The following RTN4 variants were observed in gnomAD, a reference collection of about 807,000 sequenced individuals.
RTN4 encodes reticulon 4.
Under a neutral mutation model 90.4 loss-of-function variants are expected in RTN4, and 32 were observed. The observed-to-expected ratio is 0.35, with a 90% CI of 0.27 to 0.48. The LOEUF (loss-of-function observed/expected upper bound fraction) is 0.48. RTN4 is among the 20% of genes least tolerant of loss of function. RTN4 has a pLI of 0.99. For synonymous variants in RTN4, 629 were observed against 552.5 expected (o/e 1.14, Z -1.94); for missense variants, 1,706 against 1,430.2 (o/e 1.19, Z -3.11).
intron 4 of RTN4, among the ~76,000 whole-genome samples, chr2:54,984,744 C>A (rs1310567626): frequency 6.6e-6 from 1 of 152,182 alleles, no homozygotes; most frequent in African/African-American, 2.4e-5. Flanking sequence ...GAAAAACTGT[C>A]CAACAAGCTT....
upstream of RTN4, among the ~76,000 whole-genome samples, chr2:55,055,631 G>C (rs111241381): frequency 6.6e-6 from 1 of 151,996 alleles, no homozygotes; most frequent in Non-Finnish European, 1.5e-5. Context: ...TTAGCCAGGC[G>C]TGGTGGCGGG....
chr2:55,037,032 T>G (rs192030433), intron 1 of RTN4, among the ~76,000 whole-genome samples: 1 of 152,330 alleles, frequency 6.6e-6, no homozygotes, highest in East Asian at 1.9e-4. Flanking sequence ...GTAGTGAATT[T>G]ATAAGGATAC....
chr2:55,049,639 G>A lies in RTN4; in HGVS notation c.556+106C>T, dbSNP rs1667982435. On this transcript the variant is annotated intron_variant, in intron 1 of 8. Coordinates refer to ENST00000337526, the MANE Select transcript of RTN4 (RefSeq NM_020532.5). ...CATCGCCCCGAAGTCCGCAGACAAA[G>A]CGCCCTCGGGGCGGAGAGGAGGGAC... 3 of 1,515,484 alleles carry A rather than the reference G, an allele frequency of 2.0e-6. No individual in the cohort carries two copies. In the South Asian group the frequency reaches 3.7e-5, roughly 18 times the overall value. The allele number at this position is 1,515,484 out of a possible 1,614,324, so 93.9% of individuals were successfully genotyped here.
chr2:55,101,867 C>T (rs949120912), intron 1 of RTN4, among the ~76,000 whole-genome samples: 1 of 152,124 alleles, frequency 6.6e-6, no homozygotes, highest in African/African-American at 2.4e-5. Context: ...TTGTATATTT[C>T]ATCAGCACAT....
At chr2:55,058,026 A>G (rs1433673262) in intron 2 of RTN4, among the ~76,000 whole-genome samples, 2 of 152,106 alleles carry the variant, frequency 1.3e-5, no homozygotes, top group African/African-American at 4.8e-5. Context: ...GTGGGTTTTG[A>G]TCACAAAGCT....
upstream of RTN4, among the ~76,000 whole-genome samples, chr2:55,052,644 T>C (rs1032965342): frequency 7.2e-5 from 11 of 152,162 alleles, no homozygotes; most frequent in African/African-American, 2.7e-4. Context: ...ACAAAACAAA[T>C]TTCTACAATG....
rs1340371509 is a variant in RTN4 at position 55,025,849 on chromosome 2, A to G, written c.2250T>C (p.Asp750=). 1.2e-6 allele frequency: 2 copies of G among 1,613,710 alleles called. No individual in the cohort carries two copies. The highest frequency in any genetic ancestry group is 2.2e-5 in the East Asian group (1 of 44,882). Residue 750 remains aspartate (D), a synonymous_variant, in exon 3 of 9, where the codon GAT becomes GAC. Transcript: ENST00000337526. ...TTTGTGGAACGTCAGGTATTGAATC[A>G]TCACTAAATAAGTCAACTGGTTCAG... ...PDSEPVDLFS[D]DSIPDVPQKQ...
upstream of RTN4, among the ~76,000 whole-genome samples, chr2:55,055,177 A>AT (rs1459178649): frequency 6.6e-6 from 1 of 151,868 alleles, no homozygotes; most frequent in East Asian, 1.9e-4. Flanking sequence ...CCCTGGAGAA[A>AT]TTTATTTTGA....
intron 1 of RTN4, among the ~76,000 whole-genome samples, chr2:55,095,297 C>G (rs1669010987): frequency 2.6e-5 from 4 of 151,760 alleles, no homozygotes; most frequent in African/African-American, 9.7e-5. Flanking sequence ...GCACTCTAGT[C>G]TGGGCGACAG....
upstream of RTN4, among the ~76,000 whole-genome samples, chr2:55,055,791 A>G (rs926921532): frequency 2.7e-5 from 4 of 150,778 alleles, no homozygotes; most frequent in South Asian, 4.2e-4. Flanking sequence ...CAAAAAAAAC[A>G]AAAACAAAAA....
chr2:55,030,107 T>C (rs1341542177), intron 1 of RTN4, among the ~76,000 whole-genome samples: 1 of 152,154 alleles, frequency 6.6e-6, no homozygotes, highest in Non-Finnish European at 1.5e-5. Flanking sequence ...CAGAGGCTAG[T>C]CTATCTGGAA....
intron 1 of RTN4, among the ~76,000 whole-genome samples, chr2:55,043,707 G>A (rs536011963): frequency 2.0e-5 from 3 of 152,226 alleles, no homozygotes; most frequent in Non-Finnish European, 2.9e-5. Context: ...CCAACATGGT[G>A]AAACCCCGTC....
At chr2:55,004,782 A>C (rs1305120683) in intron 3 of RTN4, among the ~76,000 whole-genome samples, 4 of 152,164 alleles carry the variant, frequency 2.6e-5, no homozygotes, top group African/African-American at 9.7e-5. Flanking sequence ...GGCTGGAAAA[A>C]GAGCCAAGAT....
At chr2:55,077,570 G>A (rs955557881) in intron 2 of RTN4, among the ~76,000 whole-genome samples, 2 of 152,076 alleles carry the variant, frequency 1.3e-5, no homozygotes, top group African/African-American at 2.4e-5. Context: ...ATTCCTTAAA[G>A]AACTAAAAGT....
intron 8 of RTN4, 70 bp from the exon 9 acceptor site, chr2:54,973,268 C>T (rs1677281254): frequency 6.2e-6 from 8 of 1,283,720 alleles, no homozygotes; most frequent in Non-Finnish European, 9.0e-6. Context: ...CTTCCAAGAA[C>T]TACTTGTATG....
intron 2 of RTN4, among the ~76,000 whole-genome samples, chr2:55,077,486 G>A (rs1360561992): frequency 2.0e-5 from 3 of 152,226 alleles, no homozygotes; most frequent in African/African-American, 7.2e-5. Context: ...GTGTGGATGT[G>A]GTGAAAAGGA....
At chr2:55,019,259 G>A (rs1227155081) in intron 3 of RTN4, among the ~76,000 whole-genome samples, 1 of 152,100 alleles carries the variant, frequency 6.6e-6, no homozygotes, top group Non-Finnish European at 1.5e-5. Context: ...AAATGTACGG[G>A]GAGTACTGGA....
intron 2 of RTN4, among the ~76,000 whole-genome samples, chr2:55,070,614 A>T (rs1374712761): frequency 1.3e-5 from 2 of 151,868 alleles, no homozygotes; most frequent in African/African-American, 4.8e-5. Flanking sequence ...TGCAATAACC[A>T]AAAATGCCTT....
intron 1 of RTN4, chr2:55,049,101 C>T: frequency 1.0e-6 from 1 of 985,884 alleles, no homozygotes; most frequent in Non-Finnish European, 1.2e-6. Context: ...CTTCCCATTT[C>T]TCCACGCACC....
Sources: gnomAD v4.1 joint callset for allele counts (sites outside exome capture counted in the v4.1 genomes callset) on GRCh38, gnomAD v4.1.1 for gene constraint, MANE v1.5 for transcripts, NCBI Gene and HGNC (gene_info 2026-07-23, HGNC 2026-07-21) for gene names.